Variants in NUS1 observed in about 807,000 individuals in gnomAD.
The protein encoded by NUS1 is dehydrodolichyl diphosphate synthase complex subunit NUS1.
For synonymous variants in NUS1, 135 were observed against 155.2 expected (o/e 0.87, Z 0.97); for missense variants, 292 against 382.9 (o/e 0.76, Z 1.98).
chr6:117,702,474 T>G (rs1419810283), intron 3 of NUS1, among the ~76,000 whole-genome samples: 8 of 152,224 alleles, frequency 5.3e-5, no homozygotes, highest in Non-Finnish European at 8.8e-5. Context: ...TAGCTTTTTT[T>G]TTGTTGTTTT....
At chr6:117,705,216 G>A (rs1773482485) in intron 4 of NUS1, among the ~76,000 whole-genome samples, 1 of 152,164 alleles carries the variant, frequency 6.6e-6, no homozygotes, top group Non-Finnish European at 1.5e-5. Flanking sequence ...CAGACTCAGA[G>A]TTTCTTTATG....
chr6:117,687,308 A>T (rs752007932), intron 1 of NUS1, among the ~76,000 whole-genome samples: 2 of 152,220 alleles, frequency 1.3e-5, no homozygotes, highest in Non-Finnish European at 2.9e-5. Flanking sequence ...GTACATTGGT[A>T]ATTCAGTTGA....
rs1056091805 is a variant in NUS1 at position 117,676,618 on chromosome 6, C to T, written c.415+533C>T. 3.9e-5 allele frequency among the ~76,000 whole-genome samples: 6 copies of T among 152,248 alleles called. 1 individual carries two copies. The East Asian group carries it at 7.7e-4, about 20-fold the overall frequency. On this transcript the variant is annotated intron_variant, in intron 1 of 4. Transcript: ENST00000368494. The stretch of plus-strand genomic sequence containing the variant: ...ATAAATAAAAATAAATAAAAAATCT[C>T]TTATTCGTTATAATACTGCAGTAAT...
At chr6:117,679,996 G>A (rs1582463882) in intron 1 of NUS1, among the ~76,000 whole-genome samples, 2 of 152,254 alleles carry the variant, frequency 1.3e-5, no homozygotes, top group African/African-American at 4.8e-5. Flanking sequence ...ACACCCCTTT[G>A]CTCTCAAATT....
At chr6:117,703,200 T>C (rs563474224) in intron 3 of NUS1, among the ~76,000 whole-genome samples, 1 of 152,342 alleles carries the variant, frequency 6.6e-6, no homozygotes, top group South Asian at 2.1e-4. Flanking sequence ...TCTGAAGTTA[T>C]TCAATTCTGT....
intron 1 of NUS1, among the ~76,000 whole-genome samples, chr6:117,685,573 A>G (rs376874101): frequency 7.9e-5 from 12 of 152,154 alleles, no homozygotes; most frequent in African/African-American, 2.2e-4. Flanking sequence ...GCTGGTGTCA[A>G]ATTCCTGACC....
At chr6:117,695,066 C>CG (rs1358580988) in intron 3 of NUS1, among the ~76,000 whole-genome samples, 3 of 151,642 alleles carry the variant, frequency 2.0e-5, no homozygotes, top group Admixed American at 1.3e-4. Context: ...TGGTGGCTCA[C>CG]GCCTGTGGTC....
At chr6:117,701,947 A>C (rs1204372305) in intron 3 of NUS1, among the ~76,000 whole-genome samples, 2 of 152,130 alleles carry the variant, frequency 1.3e-5, no homozygotes, top group African/African-American at 4.8e-5. Flanking sequence ...TTAAATTTGT[A>C]AGGCTTCCAT....
intron 3 of NUS1, among the ~76,000 whole-genome samples, chr6:117,701,003 A>C (rs1042163595): frequency 2.8e-5 from 4 of 143,756 alleles, no homozygotes; most frequent in African/African-American, 8.4e-5. Flanking sequence ...GCTACTGTGT[A>C]CAAAAAAAAA....
chr6:117,694,800 A>G (rs547934500), intron 3 of NUS1, among the ~76,000 whole-genome samples: 7 of 152,266 alleles, frequency 4.6e-5, no homozygotes, highest in South Asian at 2.1e-4. Flanking sequence ...AAGAAAGACA[A>G]TCTCTCTAGT....
chr6:117,696,001 G>C (rs1051077786), intron 3 of NUS1, among the ~76,000 whole-genome samples: 15 of 152,102 alleles, frequency 9.9e-5, no homozygotes, highest in Middle Eastern at 3.4e-3. Context: ...CTGTATGACT[G>C]TTTGTGTACA....
At chr6:117,680,793 A>T (rs1009749588) in intron 1 of NUS1, among the ~76,000 whole-genome samples, 3 of 152,258 alleles carry the variant, frequency 2.0e-5, no homozygotes, top group Non-Finnish European at 4.4e-5. Context: ...ATGATCCAGA[A>T]TAAGGCATTG....
At chr6:117,699,690 G>T (rs1773374512) in intron 3 of NUS1, among the ~76,000 whole-genome samples, 1 of 152,092 alleles carries the variant, frequency 6.6e-6, no homozygotes, top group Non-Finnish European at 1.5e-5. Flanking sequence ...ACCCAGAATA[G>T]CCAAAGCTAT....
At chr6:117,681,595 T>A (rs1029946658) in intron 1 of NUS1, among the ~76,000 whole-genome samples, 1 of 152,200 alleles carries the variant, frequency 6.6e-6, no homozygotes, top group Non-Finnish European at 1.5e-5. Flanking sequence ...TATGTTGAAA[T>A]ACAGAGGTGC....
In NUS1 at chr6:117,675,921, G is replaced by C. The variant is rs968669173; in HGVS notation, c.251G>C (p.Arg84Pro). 1 of 1,543,932 alleles carries C rather than the reference G, an allele frequency of 6.5e-7. No homozygotes were observed. Among genetic ancestry groups the C allele is most frequent in the African/African-American group, 1.4e-5 (1 of 72,818 alleles). ...TCGTGCCTGGCAGCCGCACACCACC[G>C]GATGCGCTGGCGCGCGGACGGTCGT... The part of the protein sequence containing the change: ...GGSCLAAAHH[R>P]MRWRADGRSL... Residue 84 changes from arginine to proline, a missense_variant, in exon 1 of 5, where the codon CGG becomes CCG. Transcript: ENST00000368494.
intron 3 of NUS1, among the ~76,000 whole-genome samples, chr6:117,694,572 T>G (rs1224267640): frequency 6.6e-6 from 1 of 152,138 alleles, no homozygotes; most frequent in Non-Finnish European, 1.5e-5. Context: ...AGGAATATAA[T>G]CTTACTGTTA....
chr6:117,693,045 T>C lies in NUS1; in HGVS notation c.419T>C (p.Ile140Thr). 6.2e-7 allele frequency: 1 copy of C among 1,603,488 alleles called. No homozygotes were observed. The highest frequency in any genetic ancestry group is 8.5e-7 in the Non-Finnish European group (1 of 1,171,084). The change falls in exon 2 of 5, where the codon ATT becomes ACT. Residue 140 changes from isoleucine (I) to threonine (T), a missense_variant. By Grantham distance (89) the Ile-to-Thr change is moderately conservative. Coordinates refer to ENST00000368494, the MANE Select transcript of NUS1 (RefSeq NM_138459.5). Reference sequence around the variant, plus strand: ...CTTGCCTTTTTCTTTTTTAAAGGTATTTTCAAAAGAAATAATTCCAGATTG... The same window carrying C: ...CTTGCCTTTTTCTTTTTTAAAGGTACTTTCAAAAGAAATAATTCCAGATTG... ...SYISVYDHQG[I>T]FKRNNSRLMD...
In NUS1 at chr6:117,676,072, C is replaced by T. The variant is rs769107043; in HGVS notation, c.402C>T (p.Val134=). The change falls in exon 1 of 5, where the codon GTC becomes GTT. Residue 134 remains valine (V), a synonymous_variant. Coordinates refer to ENST00000368494, the MANE Select transcript of NUS1 (RefSeq NM_138459.5). The stretch of plus-strand genomic sequence containing the variant: ...CCGTGGGCATCTCCTACATTAGCGT[C>T]TACGACCACCAAGGTGAGGCCCGGT... ...CMAVGISYIS[V]YDHQGIFKRN... 8 of 1,550,756 alleles carry T rather than the reference C, an allele frequency of 5.2e-6. No homozygotes were observed. The highest frequency in any genetic ancestry group is 6.1e-6 in the Non-Finnish European group (7 of 1,147,250).
At chr6:117,706,467 A>G (rs973257829) in intron 4 of NUS1, among the ~76,000 whole-genome samples, 1 of 152,230 alleles carries the variant, frequency 6.6e-6, no homozygotes, top group Non-Finnish European at 1.5e-5. Context: ...CTTACGCTTT[A>G]ACAAGTTATG....
Sources: allele counts gnomAD v4.1 joint callset (sites outside exome capture counted in the v4.1 genomes callset), GRCh38; gene constraint gnomAD v4.1.1; transcripts MANE v1.5; gene names NCBI Gene and HGNC (gene_info 2026-07-23, HGNC 2026-07-21).